Variants in PPEF1 observed in about 807,000 individuals in gnomAD.
The protein encoded by PPEF1 is protein phosphatase with EF-hand domain 1.
Under a neutral mutation model 53.3 loss-of-function variants are expected in PPEF1, and 12 were observed. The ratio of observed to expected loss-of-function variants is 0.23; its 90% CI spans 0.14 to 0.36. PPEF1 has a LOEUF of 0.36. Ranked by LOEUF, PPEF1 falls within the 10% of genes least tolerant of loss-of-function variation. PPEF1 has a pLI of 1.00. For synonymous variants in PPEF1, 165 were observed against 176.7 expected (o/e 0.93, Z 0.52); for missense variants, 334 against 490.4 (o/e 0.68, Z 3.01).
intron 4 of PPEF1, among the ~76,000 whole-genome samples, chrX:18,752,363 T>TTG (rs753584857): frequency 1.9e-3 from 208 of 108,738 alleles, no homozygotes; most frequent in South Asian, 0.011. Flanking sequence ...CTCTAGTAGT[T>TTG]TGTGTGTGTG....
intron 1 of PPEF1, among the ~76,000 whole-genome samples, chrX:18,720,704 C>A (rs1041722522): frequency 6.3e-5 from 7 of 111,919 alleles, no homozygotes; most frequent in Non-Finnish European, 1.1e-4. Context: ...TTTGGTAGTA[C>A]CATTTTTTAG....
At chrX:18,780,784 G>A (rs1690896056) in intron 7 of PPEF1, among the ~76,000 whole-genome samples, 1 of 110,759 alleles carries the variant, frequency 9.0e-6, no homozygotes, top group South Asian at 3.9e-4. Context: ...GCCGGGCATG[G>A]TAGCTCGCGC....
At chrX:18,703,247 T>A (rs2044124557), upstream of PPEF1, among the ~76,000 whole-genome samples, 1 of 111,516 alleles carries the variant, frequency 9.0e-6, no homozygotes, top group Non-Finnish European at 1.9e-5. Flanking sequence ...AGAACTGACT[T>A]TTTTTGTAAC....
At chrX:18,711,086 G>T (rs1340245376) in intron 1 of PPEF1, among the ~76,000 whole-genome samples, 2 of 76,042 alleles carry the variant, frequency 2.6e-5, no homozygotes, top group Non-Finnish European at 4.9e-5. Context: ...ATATGTGTGT[G>T]TGTGTGTATA....
chrX:18,751,714 A>T (rs1431392187), intron 4 of PPEF1, among the ~76,000 whole-genome samples: 1 of 112,269 alleles, frequency 8.9e-6, no homozygotes, highest in African/African-American at 3.2e-5. Context: ...CAAAAGGTGG[A>T]GGTTGCAGTG....
At chrX:18,761,870 A>G (rs944022756) in intron 6 of PPEF1, among the ~76,000 whole-genome samples, 1 of 111,017 alleles carries the variant, frequency 9.0e-6, no homozygotes, top group Non-Finnish European at 1.9e-5. Flanking sequence ...AAATGTCTAG[A>G]TGGTACAGGA....
At chrX:18,760,428 A>G (rs2045637632) in intron 5 of PPEF1, among the ~76,000 whole-genome samples, 1 of 111,262 alleles carries the variant, frequency 9.0e-6, no homozygotes, top group Non-Finnish European at 1.9e-5. Flanking sequence ...TATTAAAAAC[A>G]CGGCTTTAAA....
chrX:18,694,774 T>C (rs1045721433), intron 4 of PPEF1, among the ~76,000 whole-genome samples: 9 of 111,585 alleles, frequency 8.1e-5, no homozygotes, highest in African/African-American at 2.6e-4. Context: ...CATAGACATA[T>C]AGTGGTATCT....
In PPEF1 at chrX:18,723,001, T is replaced by G. The variant is rs963469120; in HGVS notation, c.47-7180T>G. On this transcript the variant is annotated intron_variant, in intron 1 of 15. Coordinates refer to ENST00000470157, the MANE Select transcript of PPEF1 (RefSeq NM_001377996.1). ...AGTAATTTGTGAATTTTTTTTTTTT[T>G]TGTGACGGAGTCTCGCTCTGTCGCC... 8.2e-5 allele frequency among the ~76,000 whole-genome samples: 9 copies of G among 110,009 alleles called. No individual in the cohort carries two copies. The South Asian group carries it at 2.0e-3, about 25-fold the overall frequency.
intron 1 of PPEF1, among the ~76,000 whole-genome samples, chrX:18,721,749 G>A (rs894207934): frequency 8.9e-6 from 1 of 111,889 alleles, no homozygotes; most frequent in Non-Finnish European, 1.9e-5. Context: ...TAAGTACATA[G>A]AATGTTGTAG....
chrX:18,815,229 TATGTTTCTGG>T (rs1488201398), intron 12 of PPEF1, among the ~76,000 whole-genome samples: 1 of 112,024 alleles, frequency 8.9e-6, no homozygotes, highest in Non-Finnish European at 1.9e-5. Context: ...ATCCTTTTTA[TATGTTTCTGG>T]ATGCCATTTG....
chrX:18,743,370 G>A (rs1408902957), intron 3 of PPEF1, among the ~76,000 whole-genome samples: 2 of 108,186 alleles, frequency 1.8e-5, no homozygotes, highest in African/African-American at 3.4e-5. Context: ...TAGTGGTATC[G>A]TATTTCAGGT....
At chrX:18,749,241 C>G (rs182915221) in intron 3 of PPEF1, among the ~76,000 whole-genome samples, 60 of 111,368 alleles carry the variant, frequency 5.4e-4, no homozygotes, top group African/African-American at 1.6e-3. Flanking sequence ...TGCTTTGTTA[C>G]CAAGAAAGAA....
At chrX:18,822,031 G>A (rs984891903) in intron 13 of PPEF1, among the ~76,000 whole-genome samples, 2 of 111,217 alleles carry the variant, frequency 1.8e-5, no homozygotes, top group Non-Finnish European at 3.8e-5. Context: ...TGGAGAGGAT[G>A]GAGCCACCCA....
chrX:18,734,492 T>G (rs1194655294), intron 3 of PPEF1, among the ~76,000 whole-genome samples: 1 of 111,083 alleles, frequency 9.0e-6, no homozygotes, highest in Non-Finnish European at 1.9e-5. Flanking sequence ...TATTCCATGG[T>G]GTATATGTGC....
At chrX:18,725,573 C>T (rs2044687251) in intron 1 of PPEF1, among the ~76,000 whole-genome samples, 1 of 111,889 alleles carries the variant, frequency 8.9e-6, no homozygotes, top group Admixed American at 9.5e-5. Flanking sequence ...CTTTCCCACC[C>T]CTATTGGCAG....
chrX:18,826,332 A>G (rs1449752581), intron 15 of PPEF1, among the ~76,000 whole-genome samples: 1 of 107,225 alleles, frequency 9.3e-6, no homozygotes, highest in Non-Finnish European at 1.9e-5. Flanking sequence ...CCATTTCAGT[A>G]TCTTAGTTAC....
chrX:18,822,757 T>G (rs2047088945), intron 13 of PPEF1, among the ~76,000 whole-genome samples: 1 of 111,029 alleles, frequency 9.0e-6, no homozygotes, highest in Non-Finnish European at 1.9e-5. Flanking sequence ...AATAAATGGG[T>G]GGGTATTACT....
intron 4 of PPEF1, among the ~76,000 whole-genome samples, chrX:18,697,338 C>G (rs1418827148): frequency 9.0e-6 from 1 of 111,640 alleles, no homozygotes; most frequent in Non-Finnish European, 1.9e-5. Flanking sequence ...ATCTTAACAT[C>G]CGGGCACCTT....
Sources: gnomAD v4.1 joint callset for allele counts (sites outside exome capture counted in the v4.1 genomes callset) on GRCh38, gnomAD v4.1.1 for gene constraint, MANE v1.5 for transcripts, NCBI Gene and HGNC (gene_info 2026-07-23, HGNC 2026-07-21) for gene names.